GPBP1L1: variants seen among roughly 807,000 people sequenced by gnomAD.
GPBP1L1 encodes the protein vasculin-like protein 1.
In GPBP1L1, 23 loss-of-function variants were observed where a neutral mutation model predicts 52.5. The observed-to-expected ratio is 0.44, with a 90% CI of 0.32 to 0.62. The LOEUF (loss-of-function observed/expected upper bound fraction) is 0.62. Ranked by LOEUF, GPBP1L1 falls within the 20% of genes least tolerant of loss-of-function variation. The pLI is 0.06. For synonymous variants in GPBP1L1, 243 were observed against 203.1 expected, an observed-to-expected ratio of 1.20 and a Z score of -1.67; for missense variants, 596 against 579.3, an observed-to-expected ratio of 1.03 and a Z score of -0.30.
chr1:45,649,654 C>T (rs1246024369), intron 6 of GPBP1L1, among the ~76,000 whole-genome samples: 1 of 152,154 alleles, frequency 6.6e-6, no homozygotes, highest in Admixed American at 6.5e-5. Context: ...ATCTGTTTCA[C>T]TACTGGTAAT....
intron 2 of GPBP1L1, among the ~76,000 whole-genome samples, chr1:45,663,566 G>A (rs1158247144): frequency 2.0e-5 from 3 of 152,212 alleles, no homozygotes; most frequent in African/African-American, 7.2e-5. Flanking sequence ...GAAGTGTAAA[G>A]AGTGTGACCT....
At chr1:45,646,808 C>T (rs1376677020) in intron 6 of GPBP1L1, among the ~76,000 whole-genome samples, 5 of 152,072 alleles carry the variant, frequency 3.3e-5, no homozygotes, top group African/African-American at 4.8e-5. Flanking sequence ...CTGCCCCCCT[C>T]GGCCTCCCAA....
intron 6 of GPBP1L1, 167 bp downstream of exon 6, chr1:45,654,376 C>A: frequency 3.2e-6 from 2 of 633,570 alleles, no homozygotes; most frequent in Non-Finnish European, 2.5e-6. Flanking sequence ...TTTTGGTCAC[C>A]ATTTTCAAAT....
chr1:45,629,223 C>G (rs2148412837), intron 12 of GPBP1L1, among the ~76,000 whole-genome samples: 1 of 152,314 alleles, frequency 6.6e-6, no homozygotes, highest in South Asian at 2.1e-4. Context: ...AACTACAGTG[C>G]AGATCAGGAA....
At position 45,638,004 on chromosome 1, in the gene GPBP1L1, C is replaced by G. The variant is rs377446603; in HGVS notation, c.744+2206G>C. The stretch of plus-strand genomic sequence containing the variant: ...AAGGTGAAATCTGTCTATTCCATAG[C>G]CCGGCAGTTAACTTCCATGCTCAGC... On this transcript the variant is annotated intron_variant, in intron 8 of 12. Coordinates refer to ENST00000355105, the MANE Select transcript of GPBP1L1 (RefSeq NM_021639.5). Among the ~76,000 whole-genome samples, 4 of 152,348 alleles carry G rather than the reference C, an allele frequency of 2.6e-5. No homozygotes were observed. The East Asian group carries it at 5.8e-4, about 22-fold the overall frequency.
chr1:45,629,397 G>A (rs1644498342), intron 12 of GPBP1L1, among the ~76,000 whole-genome samples, 179 bp downstream of exon 12: 2 of 151,608 alleles, frequency 1.3e-5, no homozygotes, highest in African/African-American at 2.4e-5. Context: ...ATATAACACT[G>A]GGGATCCTTA....
At chr1:45,646,472 T>A (rs1644747073) in intron 6 of GPBP1L1, among the ~76,000 whole-genome samples, 1 of 152,236 alleles carries the variant, frequency 6.6e-6, no homozygotes, top group South Asian at 2.1e-4. Context: ...TGTAAGAGTA[T>A]GTCTTAGTCA....
chr1:45,678,137 G>A (rs115365556), intron 2 of GPBP1L1, among the ~76,000 whole-genome samples: 1,614 of 152,240 alleles, frequency 0.011, 29 homozygotes, highest in African/African-American at 0.037. Context: ...ATTAGTGGTC[G>A]TCTAGAGCTA....
At chr1:45,664,414 A>C (rs1557714668) in intron 2 of GPBP1L1, among the ~76,000 whole-genome samples, 1 of 151,296 alleles carries the variant, frequency 6.6e-6, no homozygotes, top group Non-Finnish European at 1.5e-5. Flanking sequence ...AAAATACAAA[A>C]AATTAGCTGG....
chr1:45,682,934 C>G (rs1645228556), intron 2 of GPBP1L1, among the ~76,000 whole-genome samples: 1 of 152,146 alleles, frequency 6.6e-6, no homozygotes, highest in African/African-American at 2.4e-5. Context: ...AATTAGGTCT[C>G]TAACAGCACA....
At chr1:45,658,829 C>T (rs780813567) in intron 4 of GPBP1L1, 199 bp downstream of exon 4, 7 of 542,640 alleles carry the variant, frequency 1.3e-5, no homozygotes, top group Admixed American at 1.0e-4. Context: ...GTAGGCCCAG[C>T]TACTCTGGGA....
At chr1:45,651,315 C>A (rs565636409) in intron 6 of GPBP1L1, 227 of 383,862 alleles carry the variant, frequency 5.9e-4, no homozygotes, top group South Asian at 4.6e-3. Context: ...CGACACAGGG[C>A]AGGTAGGAAG....
intron 2 of GPBP1L1, among the ~76,000 whole-genome samples, chr1:45,679,740 T>G (rs1645189485): frequency 6.6e-6 from 1 of 152,046 alleles, no homozygotes; most frequent in Admixed American, 6.5e-5. Context: ...TACTTCATTG[T>G]TCCAAAAAAA....
intron 6 of GPBP1L1, 27 bp from the exon 7 acceptor site, chr1:45,642,526 G>C (rs771948173): frequency 2.5e-6 from 4 of 1,576,478 alleles, no homozygotes; most frequent in Non-Finnish European, 3.5e-6. Context: ...ATGAATGGTT[G>C]ATACAGAAAG....
chr1:45,645,574 T>C (rs916916880), intron 6 of GPBP1L1, among the ~76,000 whole-genome samples: 1 of 152,206 alleles, frequency 6.6e-6, no homozygotes, highest in African/African-American at 2.4e-5. Flanking sequence ...AGTTATACTA[T>C]GTCCAGATTG....
At chr1:45,671,572 A>T (rs1441261863) in intron 2 of GPBP1L1, among the ~76,000 whole-genome samples, 1 of 152,176 alleles carries the variant, frequency 6.6e-6, no homozygotes, top group African/African-American at 2.4e-5. Context: ...TAATTCCAGC[A>T]CTTTGGGAGG....
At chr1:45,652,379 T>C (rs927169625) in intron 6 of GPBP1L1, among the ~76,000 whole-genome samples, 2 of 152,256 alleles carry the variant, frequency 1.3e-5, no homozygotes, top group Admixed American at 6.5e-5. Flanking sequence ...CCACTGGGAA[T>C]GTCACAGGAC....
rs113388167 is a variant in GPBP1L1, at chr1:45,643,658, C to CTTTTT, written c.478-1164_478-1160dup. ...ATCTGGTAACAGGGTAGGAGAATGG[C>CTTTTT]TTTTTTTTTTTTTTTTTTTTTTTTT... On this transcript the variant is annotated intron_variant, in intron 6 of 12. Coordinates refer to ENST00000355105, the MANE Select transcript of GPBP1L1 (RefSeq NM_021639.5). Among the ~76,000 whole-genome samples, 48 of 65,142 alleles carry CTTTTT rather than the reference C, an allele frequency of 7.4e-4. 2 individuals carry two copies. Among genetic ancestry groups the CTTTTT allele is most frequent in the African/African-American group, 2.4e-3 (38 of 15,656 alleles). The allele number at this position is 65,142 out of a possible 152,430, so 42.7% of individuals were successfully genotyped here.
intron 6 of GPBP1L1, among the ~76,000 whole-genome samples, chr1:45,642,740 CATTTA>C: frequency 6.6e-6 from 1 of 152,268 alleles, no homozygotes; most frequent in African/African-American, 2.4e-5. Flanking sequence ...TAAGGGATTT[CATTTA>C]TTTTAAATAA....
Sources: gnomAD v4.1 joint callset for allele counts (sites outside exome capture counted in the v4.1 genomes callset) on GRCh38, gnomAD v4.1.1 for gene constraint, MANE v1.5 for transcripts, NCBI Gene and HGNC (gene_info 2026-07-23, HGNC 2026-07-21) for gene names.